The following HERC2 variants were observed in gnomAD, a reference collection of about 807,000 sequenced individuals.
HERC2 encodes the protein HECT and RLD domain containing E3 ubiquitin protein ligase 2.
Under a neutral mutation model 537.7 loss-of-function variants are expected in HERC2, and 102 were observed. The observed-to-expected ratio is 0.19, with a 90% CI of 0.16 to 0.22. HERC2 has a LOEUF of 0.22. Ranked by LOEUF, HERC2 falls within the 10% of genes least tolerant of loss-of-function variation. The probability of loss-of-function intolerance (pLI) is 1.00; values close to 1 mark genes in which losing one functional copy is unlikely to be tolerated. For missense variants in HERC2, 4,236 were observed against 6,198.2 expected (o/e 0.68, Z 10.63); for synonymous variants, 2,224 against 2,466.2 (o/e 0.90, Z 2.91).
Position 28,236,995 on chromosome 15 carries a change from G to A in HERC2, c.3971C>T (p.Thr1324Ile), listed in dbSNP as rs1411667024. The change falls in exon 26 of 93, where the codon ACA becomes ATA. Residue 1324 changes from threonine to isoleucine, a missense_variant. Physicochemically the swap from Thr to Ile is moderately conservative, Grantham distance 89. This residue lies in a region of HERC2 where 754 missense variants were observed against 1,085.0 expected (regional missense o/e 0.69). Coordinates refer to ENST00000261609, the MANE Select transcript of HERC2 (RefSeq NM_004667.6). ...GLHASYLAMSTPLSPVEIECA... is the reference protein window; with the variant it reads ...GLHASYLAMSIPLSPVEIECA... ...TTCAATCTCGACAGGAGACAGCGGT[G>A]TGCTCATTGCCAAATACGAAGCGTG... is the stretch of plus-strand genomic sequence containing the variant. 1 of 1,611,964 alleles carries A rather than the reference G, an allele frequency of 6.2e-7. No homozygotes were observed. The highest frequency in any genetic ancestry group is 1.1e-5 in the South Asian group (1 of 90,990).
At chr15:28,285,568 A>G (rs1422061568) in intron 4 of HERC2, among the ~76,000 whole-genome samples, 2 of 152,044 alleles carry the variant, frequency 1.3e-5, no homozygotes, top group African/African-American at 4.8e-5. Flanking sequence ...AATTTACAGC[A>G]CTAAATAAAT....
At chr15:28,181,631 T>C (rs550301720) in intron 57 of HERC2, among the ~76,000 whole-genome samples, 17 of 152,230 alleles carry the variant, frequency 1.1e-4, no homozygotes, top group Non-Finnish European at 2.2e-4. Flanking sequence ...TAGAGGAATT[T>C]GCTTTGTGGC....
At chr15:28,165,113 T>C (rs1324562757) in intron 68 of HERC2, among the ~76,000 whole-genome samples, 1 of 151,972 alleles carries the variant, frequency 6.6e-6, no homozygotes, top group Non-Finnish European at 1.5e-5. Flanking sequence ...CATCCACACA[T>C]GGGGGGTTGG....
intron 15 of HERC2, among the ~76,000 whole-genome samples, chr15:28,261,567 G>A (rs1016407756): frequency 6.6e-6 from 1 of 152,076 alleles, no homozygotes; most frequent in African/African-American, 2.4e-5. Context: ...CTTACCATAA[G>A]TTAACATCAG....
chr15:28,134,494 A>G (rs1489698737), intron 79 of HERC2, among the ~76,000 whole-genome samples: 7 of 152,140 alleles, frequency 4.6e-5, no homozygotes, highest in Non-Finnish European at 8.8e-5. Context: ...CCTGTTGCAC[A>G]ATGTTGAAGA....
In HERC2 at chr15:28,268,485, C is replaced by G. The variant is rs2075631273; in HGVS notation, c.1578G>C (p.Arg526=). 1 of 1,613,882 alleles carries G rather than the reference C, an allele frequency of 6.2e-7. No homozygotes were observed. Among genetic ancestry groups the G allele is most frequent in the East Asian group, 2.2e-5 (1 of 44,878 alleles). ...VYSWGCGDGG[R]LGHGDTVPLE... is the part of the protein sequence containing the mutation. ...CATACACAGTGTCCCCATGGCCCAGCCGTCCGCCGTCCCCACAGCCCCAGG... is the reference window on the plus strand; with the variant it reads ...CATACACAGTGTCCCCATGGCCCAGGCGTCCGCCGTCCCCACAGCCCCAGG... Residue 526 remains arginine (R), a synonymous_variant, in exon 12 of 93, where the codon CGG becomes CGC. Transcript: ENST00000261609. This position sits in a 1 kb window ranked among gnomAD's most constrained non-coding sequence, Gnocchi z 4.7.
At chr15:28,174,294 A>G (rs978916347) in intron 65 of HERC2, 101 bp downstream of exon 65, 58 of 791,150 alleles carry the variant, frequency 7.3e-5, no homozygotes, top group South Asian at 2.0e-4. Context: ...TGCAGTTAAC[A>G]TGGCACTACA....
intron 35 of HERC2, among the ~76,000 whole-genome samples, chr15:28,225,480 G>T (rs1446249813): frequency 6.6e-6 from 1 of 151,916 alleles, no homozygotes; most frequent in Non-Finnish European, 1.5e-5. Context: ...GGCGGATCGC[G>T]AGGTCAAGAG....
At chr15:28,120,388 CA>C (rs1888750322) in intron 86 of HERC2, among the ~76,000 whole-genome samples, 1 of 152,130 alleles carries the variant, frequency 6.6e-6, no homozygotes. Context: ...TGTGTTAATA[CA>C]AAGGTACAGG....
intron 7 of HERC2, among the ~76,000 whole-genome samples, 189 bp downstream of exon 7, chr15:28,274,102 C>CA (rs1340459241): frequency 2.0e-5 from 3 of 152,190 alleles, no homozygotes; most frequent in African/African-American, 7.2e-5. Context: ...TGGGTCTAGT[C>CA]AGAGTATCAT....
At chr15:28,269,462 C>T (rs2075660074) in intron 10 of HERC2, 26 bp from the exon 11 acceptor site, 46 of 1,551,216 alleles carry the variant, frequency 3.0e-5, no homozygotes, top group Non-Finnish European at 3.9e-5. Flanking sequence ...GTAAACATTT[C>T]CTTTAACAAC....
intron 23 of HERC2, among the ~76,000 whole-genome samples, chr15:28,241,294 T>C (rs1903088062): frequency 6.6e-6 from 1 of 151,716 alleles, no homozygotes; most frequent in East Asian, 1.9e-4. Context: ...CACTAATCAT[T>C]AGGGACACAC....
At chr15:28,245,222 G>T (rs16950927) in intron 23 of HERC2, among the ~76,000 whole-genome samples, 10,475 of 152,136 alleles carry the variant, frequency 0.069, 876 homozygotes, top group East Asian at 0.42. Context: ...TACTTAACAA[G>T]GATTACTAAT....
chr15:28,175,986 C>T (rs990966849), intron 63 of HERC2, among the ~76,000 whole-genome samples: 3 of 152,180 alleles, frequency 2.0e-5, no homozygotes, highest in Non-Finnish European at 4.4e-5. Context: ...CAAGCTGCCT[C>T]GGGTCATGAC....
At chr15:28,300,608 G>C (rs370230277) in intron 2 of HERC2, among the ~76,000 whole-genome samples, 24 of 150,062 alleles carry the variant, frequency 1.6e-4, no homozygotes, top group Admixed American at 1.4e-3. Context: ...AATCACTTGA[G>C]GTCAGGAGTT....
In HERC2 at chr15:28,113,818, G is replaced by A. The variant is rs1270339234; in HGVS notation, c.13914-140C>T. 2.9e-6 allele frequency: 2 copies of A among 681,412 alleles called. No homozygotes were observed. The highest frequency in any genetic ancestry group is 1.8e-5 in the African/African-American group (1 of 56,870). 42.2% of individuals were successfully genotyped at this position (681,412 alleles called of 1,614,324 possible). On this transcript the variant is annotated intron_variant, in intron 90 of 92. Coordinates refer to ENST00000261609, the MANE Select transcript of HERC2 (RefSeq NM_004667.6). This position sits in a 1 kb window ranked among gnomAD's most constrained non-coding sequence, Gnocchi z 7.0. ...GAGGGAGCAGCTCCAGATGGCATGA[G>A]CATGCTTAGCAGCTCGGCACTGCAG...
intron 20 of HERC2, among the ~76,000 whole-genome samples, chr15:28,254,008 G>A (rs2075171790): frequency 1.3e-5 from 2 of 151,426 alleles, no homozygotes; most frequent in South Asian, 2.1e-4. Flanking sequence ...AATAGACCGG[G>A]AGTGGTGGGT....
At chr15:28,251,080 G>A (rs997878957) in intron 20 of HERC2, among the ~76,000 whole-genome samples, 1 of 152,148 alleles carries the variant, frequency 6.6e-6, no homozygotes, top group African/African-American at 2.4e-5. Context: ...AACCTGTGTG[G>A]ACAGCACAGA....
Position 28,214,741 on chromosome 15 carries a change from C to T in HERC2, c.6272G>A (p.Arg2091Lys). 6.2e-7 allele frequency: 1 copy of T among 1,611,852 alleles called. No individual in the cohort carries two copies. Among genetic ancestry groups the T allele is most frequent in the Non-Finnish European group, 8.5e-7 (1 of 1,179,664 alleles). ...CTTCTCCACGAGGCATTTCATGTCC[C>T]TCGCCCTTTCGGTCTTGTCCCATGA... is the stretch of plus-strand genomic sequence containing the variant. ...LPSWDKTERA[R>K]DMKCLVEKLF... Residue 2091 changes from arginine to lysine, a missense_variant, in exon 40 of 93, where the codon AGG becomes AAG. This residue lies in a region of HERC2 where 365 missense variants were observed against 468.8 expected (regional missense o/e 0.78). Transcript: ENST00000261609.
Sources: allele counts gnomAD v4.1 joint callset (sites outside exome capture counted in the v4.1 genomes callset), GRCh38; gene constraint gnomAD v4.1.1; regional missense constraint gnomAD v4.1.1; non-coding constraint Gnocchi (gnomAD v3.1); transcripts MANE v1.5; gene names NCBI Gene and HGNC (gene_info 2026-07-23, HGNC 2026-07-21).